The following CALN1 variants were observed in gnomAD, a reference collection of about 807,000 sequenced individuals.
CALN1 encodes calneuron 1.
A neutral mutation model predicts 30.6 loss-of-function variants in CALN1; 17 were observed. The ratio of observed to expected loss-of-function variants is 0.56; its 90% CI spans 0.38 to 0.83. The LOEUF (loss-of-function observed/expected upper bound fraction) is 0.83, where lower values mean the gene tolerates loss of function less well. Ranked by LOEUF, CALN1 falls within the 40% of genes least tolerant of loss-of-function variation. The pLI, the probability that CALN1 is intolerant of heterozygous loss-of-function variation, is 0.00. For synonymous variants in CALN1, 156 were observed against 131.4 expected (o/e 1.19, Z -1.28); for missense variants, 291 against 354.9 (o/e 0.82, Z 1.45).
At chr7:72,456,182 C>CAA in the CALN1 span, among the ~76,000 whole-genome samples, 6,347 of 115,386 alleles carry the variant, frequency 0.055, 177 homozygotes, top group African/African-American at 0.063. Flanking sequence ...CACTCAGTCT[C>CAA]AAAAAAAAAA....
chr7:71,794,011 T>C (rs1476473368), intron 6 of CALN1, among the ~76,000 whole-genome samples: 1 of 152,228 alleles, frequency 6.6e-6, no homozygotes. Flanking sequence ...TATTTCTTTA[T>C]TGAACACCAG....
intron 5 of CALN1, among the ~76,000 whole-genome samples, chr7:71,978,843 C>T (rs73366248): frequency 0.013 from 1,996 of 152,284 alleles, 47 homozygotes; most frequent in African/African-American, 0.043. Flanking sequence ...AATGAAACTG[C>T]GGAAAAGACT....
chr7:72,102,204 G>A (rs1359858519), intron 4 of CALN1, among the ~76,000 whole-genome samples: 1 of 152,118 alleles, frequency 6.6e-6, no homozygotes, highest in Non-Finnish European at 1.5e-5. Flanking sequence ...CAGCACTTTG[G>A]GAGGCTGAGG....
intron 2 of CALN1, among the ~76,000 whole-genome samples, chr7:72,310,692 C>T (rs1216451177): frequency 6.6e-6 from 1 of 151,602 alleles, no homozygotes; most frequent in East Asian, 2.0e-4. Flanking sequence ...TCACCTGAGG[C>T]CGGGAGTTCG....
intron 6 of CALN1, among the ~76,000 whole-genome samples, chr7:71,801,416 GTATGTATGTATGTATCTATCTATC>G (rs1353110205): frequency 4.6e-5 from 5 of 108,136 alleles, no homozygotes; most frequent in South Asian, 2.8e-4. Flanking sequence ...ATGTATGTAT[GTATGTATGTATGTATCTATCTATC>G]TATCTATCTA....
At chr7:71,814,096 A>G (rs17137568) in intron 5 of CALN1, among the ~76,000 whole-genome samples, 24,789 of 152,060 alleles carry the variant, frequency 0.16, 2,973 homozygotes, top group East Asian at 0.61. Context: ...TTGGAGAACA[A>G]TGTCATCCAG....
At chr7:72,493,953 A>G in the CALN1 span, among the ~76,000 whole-genome samples, 1 of 152,224 alleles carries the variant, frequency 6.6e-6, no homozygotes, top group East Asian at 1.9e-4. Context: ...ACTTTGGAAG[A>G]CTGACACAGG....
intron 3 of CALN1, among the ~76,000 whole-genome samples, chr7:72,200,761 A>G (rs992524667): frequency 3.9e-5 from 6 of 152,240 alleles, no homozygotes; most frequent in Non-Finnish European, 8.8e-5. Context: ...GTTGGTTTAA[A>G]GCAAGGAAGA....
chr7:72,324,402 T>C (rs570890016), intron 2 of CALN1, among the ~76,000 whole-genome samples: 3 of 152,106 alleles, frequency 2.0e-5, no homozygotes, highest in Admixed American at 6.5e-5. Flanking sequence ...GGAGTTATCA[T>C]TTATGACGGG....
chr7:72,129,707 C>A (rs1809008097), intron 3 of CALN1, among the ~76,000 whole-genome samples: 1 of 152,106 alleles, frequency 6.6e-6, no homozygotes, highest in African/African-American at 2.4e-5. Context: ...TTAGTGATGG[C>A]CCCCTTAGCA....
intron 3 of CALN1, among the ~76,000 whole-genome samples, chr7:72,267,119 T>C (rs1399216110): frequency 6.6e-6 from 1 of 152,166 alleles, no homozygotes; most frequent in African/African-American, 2.4e-5. Flanking sequence ...AACAGGAATG[T>C]TTCTGCCTCC....
At chr7:71,794,988 T>C (rs1329578618) in intron 6 of CALN1, among the ~76,000 whole-genome samples, 1 of 150,274 alleles carries the variant, frequency 6.7e-6, no homozygotes, top group African/African-American at 2.5e-5. Flanking sequence ...TCAGTGTAGA[T>C]CAGTGGTGCC....
intron 5 of CALN1, among the ~76,000 whole-genome samples, chr7:71,905,543 C>A (rs1423776448): frequency 6.6e-6 from 1 of 152,036 alleles, no homozygotes; most frequent in African/African-American, 2.4e-5. Context: ...TCTCATTGAT[C>A]CTCTACATCA....
At chr7:72,346,511 A>T (rs964038776) in intron 2 of CALN1, among the ~76,000 whole-genome samples, 3 of 152,204 alleles carry the variant, frequency 2.0e-5, no homozygotes, top group East Asian at 3.9e-4. Flanking sequence ...TTCAGTTAAA[A>T]TTTATTTATT....
At chr7:71,914,953 A>T (rs1794612477) in intron 5 of CALN1, among the ~76,000 whole-genome samples, 1 of 152,198 alleles carries the variant, frequency 6.6e-6, no homozygotes, top group Non-Finnish European at 1.5e-5. Context: ...TACAAGAAAA[A>T]AAATAAAGTT....
rs113851487 is a variant in CALN1 at position 71,788,753 on chromosome 7, G to A, written c.659-851C>T. Among the ~76,000 whole-genome samples, 626 of 152,064 alleles carry A rather than the reference G, an allele frequency of 4.1e-3. 5 individuals are homozygous for A. Among genetic ancestry groups the A allele is most frequent in the Non-Finnish European group, 7.0e-3 (478 of 67,994 alleles). On this transcript the variant is annotated intron_variant, in intron 6 of 6. Transcript: ENST00000395275. ...GCTCACTACAAGCTCCACCTCCCAG[G>A]TTCATGCCATTCTCCTGTCTCAGCC...
chr7:72,318,108 A>T (rs1258049907), intron 2 of CALN1, among the ~76,000 whole-genome samples: 6 of 152,154 alleles, frequency 3.9e-5, no homozygotes, highest in African/African-American at 1.4e-4. Flanking sequence ...TTTCACTCAA[A>T]TTCATAAGGG....
At chr7:72,005,708 T>C (rs7790072) in intron 5 of CALN1, among the ~76,000 whole-genome samples, 10,928 of 152,064 alleles carry the variant, frequency 0.072, 411 homozygotes, top group African/African-American at 0.084. Flanking sequence ...CACTCCAAAA[T>C]TACATAGTAT....
chr7:72,289,609 G>T (rs1798333302), intron 2 of CALN1, among the ~76,000 whole-genome samples: 1 of 152,138 alleles, frequency 6.6e-6, no homozygotes, highest in African/African-American at 2.4e-5. Flanking sequence ...TTTGGAAAGA[G>T]ATGTGCAGCA....
Sources: allele counts gnomAD v4.1 joint callset (sites outside exome capture counted in the v4.1 genomes callset), GRCh38; gene constraint gnomAD v4.1.1; transcripts MANE v1.5; gene names NCBI Gene and HGNC (gene_info 2026-07-23, HGNC 2026-07-21).